CEP128: variants seen among roughly 807,000 people sequenced by gnomAD.
CEP128 encodes centrosomal protein 128kDa.
CEP128 carries 132 observed loss-of-function variants against 156.7 expected under a neutral mutation model. The ratio of observed to expected loss-of-function variants is 0.84; its 90% confidence interval spans 0.73 to 0.97. CEP128 has a LOEUF of 0.97. Ranked by LOEUF, CEP128 falls within the 50% of genes least tolerant of loss-of-function variation. CEP128 has a pLI of 0.00. For missense variants in CEP128, 1,252 were observed against 1,281.9 expected, an observed-to-expected ratio of 0.98 and a Z score of 0.36; for synonymous variants, 469 against 448.9, an observed-to-expected ratio of 1.04 and a Z score of -0.57.
intron 12 of CEP128, among the ~76,000 whole-genome samples, chr14:80,832,991 A>G (rs1341984339): frequency 6.6e-6 from 1 of 152,204 alleles, no homozygotes; most frequent in Admixed American, 6.5e-5. Context: ...TAGCCTAGAC[A>G]TTGCATAAAT....
At chr14:80,913,052 C>T (rs1884340023) in intron 4 of CEP128, among the ~76,000 whole-genome samples, 1 of 152,126 alleles carries the variant, frequency 6.6e-6, no homozygotes, top group Non-Finnish European at 1.5e-5. Flanking sequence ...ATTAAAAATA[C>T]ATTATTAACT....
intron 2 of CEP128, among the ~76,000 whole-genome samples, chr14:80,924,023 T>C (rs1885017539): frequency 6.6e-6 from 1 of 152,222 alleles, no homozygotes; most frequent in Admixed American, 6.5e-5. Context: ...CCTTCCACCA[T>C]GATTGTAAGT....
At chr14:80,929,129 C>T (rs1481134157) in intron 2 of CEP128, among the ~76,000 whole-genome samples, 1 of 151,882 alleles carries the variant, frequency 6.6e-6, no homozygotes, top group East Asian at 1.9e-4. Flanking sequence ...AAATGATCAA[C>T]ATCACTAATC....
At chr14:80,715,085 T>C (rs973751857) in intron 19 of CEP128, among the ~76,000 whole-genome samples, 2 of 151,686 alleles carry the variant, frequency 1.3e-5, no homozygotes, top group Non-Finnish European at 2.9e-5. Flanking sequence ...TAGCTGGGAG[T>C]GGTGGTGTGC....
downstream of CEP128, among the ~76,000 whole-genome samples, chr14:80,485,829 G>T (rs1479204964): frequency 6.6e-6 from 1 of 152,218 alleles, no homozygotes; most frequent in African/African-American, 2.4e-5. Context: ...CCTGTCCAAT[G>T]ATGGGAAGTT....
rs187860936 is a variant in CEP128, at chr14:80,799,989, C to T, written c.1210-6879G>A. 2.0e-5 allele frequency among the ~76,000 whole-genome samples: 3 copies of T among 152,214 alleles called. No homozygotes were observed. The East Asian group carries it at 5.8e-4, about 29-fold the overall frequency. On this transcript the variant is annotated intron_variant, in intron 13 of 24. Coordinates refer to ENST00000555265, the MANE Select transcript of CEP128 (RefSeq NM_152446.5). The stretch of plus-strand genomic sequence containing the variant: ...AGAAGCATGTGATCTTTGTTAGACC[C>T]TTATTAGTAGTTCTGCTTTTTGCCT...
intron 19 of CEP128, among the ~76,000 whole-genome samples, chr14:80,727,206 G>T (rs1475469465): frequency 1.3e-5 from 2 of 152,180 alleles, no homozygotes; most frequent in African/African-American, 2.4e-5. Context: ...CAAAAATAAG[G>T]TAACAATTCT....
chr14:80,862,477 C>T (rs906415364), intron 9 of CEP128, among the ~76,000 whole-genome samples: 3 of 152,270 alleles, frequency 2.0e-5, no homozygotes, highest in Non-Finnish European at 4.4e-5. Context: ...TTCATTTATC[C>T]TTGCACTAAT....
intron 13 of CEP128, among the ~76,000 whole-genome samples, chr14:80,812,421 G>A (rs1468635226): frequency 6.6e-6 from 1 of 152,206 alleles, no homozygotes; most frequent in East Asian, 1.9e-4. Flanking sequence ...TATATACCCA[G>A]TAATGGGATT....
intron 14 of CEP128, among the ~76,000 whole-genome samples, chr14:80,788,889 G>GA (rs1901559783): frequency 6.6e-6 from 1 of 152,144 alleles, no homozygotes; most frequent in South Asian, 2.1e-4. Flanking sequence ...ATTCCAGGCA[G>GA]AACTGCTCCA....
At chr14:80,553,027 T>C (rs892406340) in intron 21 of CEP128, among the ~76,000 whole-genome samples, 2 of 152,104 alleles carry the variant, frequency 1.3e-5, no homozygotes, top group African/African-American at 4.8e-5. Flanking sequence ...AATTTTTTTG[T>C]TCTAAAAATC....
At chr14:80,596,267 T>C (rs1390014193) in intron 19 of CEP128, among the ~76,000 whole-genome samples, 1 of 152,162 alleles carries the variant, frequency 6.6e-6, no homozygotes, top group Non-Finnish European at 1.5e-5. Context: ...TGATATAGGT[T>C]AGGTATTATA....
intron 13 of CEP128, among the ~76,000 whole-genome samples, chr14:80,823,672 G>A (rs1181365162): frequency 1.3e-5 from 2 of 151,856 alleles, no homozygotes; most frequent in African/African-American, 2.4e-5. Flanking sequence ...TCATGCTGAT[G>A]CAAGAGGTGG....
chr14:80,552,163 G>T (rs1405637435), intron 21 of CEP128, among the ~76,000 whole-genome samples: 4 of 152,102 alleles, frequency 2.6e-5, no homozygotes, highest in Non-Finnish European at 4.4e-5. Flanking sequence ...TTCTCAGTTA[G>T]CTGGGCATGG....
At position 80,756,969 on chromosome 14, in the gene CEP128, G is replaced by A; in HGVS notation, c.2554-18C>T. 1 of 1,521,704 alleles carries A rather than the reference G, an allele frequency of 6.6e-7. No homozygotes were observed. The highest frequency in any genetic ancestry group is 1.2e-5 in the South Asian group (1 of 86,884). 94.3% of individuals were successfully genotyped at this position (1,521,704 alleles called of 1,614,324 possible). ...GAAAAAACCTACAAAAGAGAAAACA[G>A]TCGATTAGAAATACATTTTTCTCTG... On this transcript the variant is annotated intron_variant, in intron 17 of 24. Coordinates refer to ENST00000555265, the MANE Select transcript of CEP128 (RefSeq NM_152446.5).
intron 19 of CEP128, among the ~76,000 whole-genome samples, chr14:80,651,164 A>G (rs1381889173): frequency 6.6e-6 from 1 of 152,134 alleles, no homozygotes; most frequent in Non-Finnish European, 1.5e-5. Context: ...TATGTCCAGG[A>G]ACTTTTCCAT....
chr14:80,952,194 A>G (rs1886480400), intron 2 of CEP128, among the ~76,000 whole-genome samples: 1 of 150,542 alleles, frequency 6.6e-6, no homozygotes, highest in African/African-American at 2.5e-5. Flanking sequence ...CAACTCCACA[A>G]AAGCTGATCA....
At chr14:80,856,732 T>C (rs1272176314) in intron 9 of CEP128, among the ~76,000 whole-genome samples, 1 of 129,668 alleles carries the variant, frequency 7.7e-6, no homozygotes, top group Non-Finnish European at 1.6e-5. Flanking sequence ...TTTTTTTTTT[T>C]TTTTTTTTTT....
At chr14:80,850,663 T>C (rs1886844803) in intron 9 of CEP128, among the ~76,000 whole-genome samples, 1 of 152,186 alleles carries the variant, frequency 6.6e-6, no homozygotes, top group Non-Finnish European at 1.5e-5. Flanking sequence ...AGGAAACAGT[T>C]CCATGAAATG....
Sources: allele counts gnomAD v4.1 joint callset (sites outside exome capture counted in the v4.1 genomes callset), GRCh38; gene constraint gnomAD v4.1.1; transcripts MANE v1.5; gene names NCBI Gene and HGNC (gene_info 2026-07-23, HGNC 2026-07-21).